Variants in KCNK2 observed in about 807,000 individuals in gnomAD.
KCNK2 encodes potassium channel subfamily K member 2.
In KCNK2, 21 loss-of-function variants were observed where a neutral mutation model predicts 40.5. The observed-to-expected ratio is 0.52, with a 90% CI of 0.37 to 0.75. The LOEUF is 0.75. Among genes scored for constraint, KCNK2 ranks in the 30% least tolerant of loss-of-function variants. KCNK2 has a pLI of 0.00. For missense variants in KCNK2, 399 were observed against 531.6 expected (o/e 0.75, Z 2.45); for synonymous variants, 191 against 202.2 (o/e 0.94, Z 0.47).
At chr1:215,087,709 T>G (rs1659507539) in intron 2 of KCNK2, among the ~76,000 whole-genome samples, 1 of 152,206 alleles carries the variant, frequency 6.6e-6, no homozygotes, top group South Asian at 2.1e-4. Flanking sequence ...TTATTTCATA[T>G]TTGGTTTTAC....
chr1:215,068,176 A>G (rs1043124443), intron 1 of KCNK2, among the ~76,000 whole-genome samples: 1 of 152,040 alleles, frequency 6.6e-6, no homozygotes, highest in Non-Finnish European at 1.5e-5. Flanking sequence ...GTACTATATA[A>G]ATGATAATGA....
At chr1:215,113,010 T>C (rs1478905620) in intron 2 of KCNK2, among the ~76,000 whole-genome samples, 6 of 152,192 alleles carry the variant, frequency 3.9e-5, no homozygotes, top group African/African-American at 7.2e-5. Context: ...CAGTTCATGA[T>C]AGTGATTTTA....
chr1:215,013,986 T>C (rs2601641), intron 1 of KCNK2, among the ~76,000 whole-genome samples: 85,281 of 151,940 alleles, frequency 0.56, 25,618 homozygotes, highest in South Asian at 0.78. Context: ...TCTTTGTGTT[T>C]TTCCTTATAT....
chr1:215,100,458 A>T (rs1019974127), intron 2 of KCNK2, among the ~76,000 whole-genome samples: 3 of 151,994 alleles, frequency 2.0e-5, no homozygotes, highest in African/African-American at 7.2e-5. Flanking sequence ...GCAGGATCTC[A>T]GATGCCTGCA....
intron 2 of KCNK2, among the ~76,000 whole-genome samples, chr1:215,093,176 T>C (rs1431788171): frequency 1.3e-5 from 2 of 151,714 alleles, no homozygotes; most frequent in African/African-American, 4.8e-5. Context: ...CAGGAGCACT[T>C]CAACATGTAG....
intron 2 of KCNK2, among the ~76,000 whole-genome samples, chr1:215,117,261 T>C (rs1660987052): frequency 6.6e-6 from 1 of 152,050 alleles, no homozygotes; most frequent in Non-Finnish European, 1.5e-5. Flanking sequence ...TTATCTTAAA[T>C]ATTAAATAGT....
At chr1:215,172,592 C>A (rs936789558) in intron 5 of KCNK2, among the ~76,000 whole-genome samples, 2 of 152,128 alleles carry the variant, frequency 1.3e-5, no homozygotes, top group African/African-American at 2.4e-5. Context: ...TAGGCCCATC[C>A]TACGCAAGTA....
At chr1:215,032,383 G>A (rs1477069510) in intron 1 of KCNK2, among the ~76,000 whole-genome samples, 1 of 151,950 alleles carries the variant, frequency 6.6e-6, no homozygotes, top group African/African-American at 2.4e-5. Context: ...ACTCCAGCCT[G>A]GGTGACAGAG....
intron 3 of KCNK2, among the ~76,000 whole-genome samples, chr1:215,149,733 T>G (rs1179614486): frequency 6.6e-6 from 1 of 152,228 alleles, no homozygotes; most frequent in Non-Finnish European, 1.5e-5. Flanking sequence ...TTTTGAAAGA[T>G]AATCAGGAGT....
At chr1:215,138,825 C>T (rs1358325487) in intron 3 of KCNK2, among the ~76,000 whole-genome samples, 1 of 152,168 alleles carries the variant, frequency 6.6e-6, no homozygotes, top group Admixed American at 6.5e-5. Context: ...TGTCTTTCTA[C>T]AGTATTTCCT....
intron 1 of KCNK2, among the ~76,000 whole-genome samples, chr1:215,012,512 A>G (rs1204362425): frequency 6.6e-6 from 1 of 150,986 alleles, no homozygotes; most frequent in Non-Finnish European, 1.5e-5. Context: ...TCACTCTGTC[A>G]CCCAGATTGG....
At chr1:215,185,318 G>C (rs949927521) in intron 5 of KCNK2, among the ~76,000 whole-genome samples, 3 of 152,086 alleles carry the variant, frequency 2.0e-5, no homozygotes, top group Non-Finnish European at 4.4e-5. Flanking sequence ...TCTTTGTGAA[G>C]CTATGATACC....
At chr1:215,190,606 G>A (rs534039763) in intron 5 of KCNK2, among the ~76,000 whole-genome samples, 76 of 152,254 alleles carry the variant, frequency 5.0e-4, no homozygotes, top group African/African-American at 1.8e-3. Flanking sequence ...CTTACTGTTG[G>A]GATTTCAAGG....
chr1:215,189,312 A>G (rs556953202), intron 5 of KCNK2, among the ~76,000 whole-genome samples: 56 of 152,192 alleles, frequency 3.7e-4, no homozygotes, highest in Non-Finnish European at 6.3e-4. Flanking sequence ...GTGATTGATA[A>G]TTACGGCTTT....
At chr1:215,068,049 CTT>C (rs397782084) in intron 1 of KCNK2, among the ~76,000 whole-genome samples, 12 of 138,140 alleles carry the variant, frequency 8.7e-5, no homozygotes, top group East Asian at 2.1e-4. Context: ...GTTTCTTTTT[CTT>C]TTTTTTTTTT....
At chr1:215,163,769 C>T (rs1001742856) in intron 3 of KCNK2, among the ~76,000 whole-genome samples, 76 of 152,146 alleles carry the variant, frequency 5.0e-4, no homozygotes, top group Admixed American at 3.1e-3. Flanking sequence ...GGGATGAAGC[C>T]GACTTGATCG....
At chr1:215,078,014 T>G (rs1659008700), upstream of KCNK2, among the ~76,000 whole-genome samples, 1 of 152,208 alleles carries the variant, frequency 6.6e-6, no homozygotes, top group Non-Finnish European at 1.5e-5. Context: ...CAAGATTCAT[T>G]GCAAGGGTGT....
chr1:215,052,786 G>A (rs1658032980), intron 1 of KCNK2, among the ~76,000 whole-genome samples: 2 of 152,162 alleles, frequency 1.3e-5, no homozygotes, highest in South Asian at 4.1e-4. Flanking sequence ...GTATTTATTA[G>A]TCATTTATTT....
At chr1:215,209,257 A>G (rs1450225699) in intron 6 of KCNK2, among the ~76,000 whole-genome samples, 2 of 119,148 alleles carry the variant, frequency 1.7e-5, no homozygotes, top group Non-Finnish European at 1.6e-5. Flanking sequence ...CACATATCTT[A>G]TATATAAAAT....
Sources: allele counts gnomAD v4.1 joint callset (sites outside exome capture counted in the v4.1 genomes callset), GRCh38; gene constraint gnomAD v4.1.1; transcripts MANE v1.5; gene names NCBI Gene and HGNC (gene_info 2026-07-23, HGNC 2026-07-21).